The following SHTN1 variants were observed in gnomAD, a reference collection of about 807,000 sequenced individuals.
The protein encoded by SHTN1 is shootin-1.
A neutral mutation model predicts 83.1 loss-of-function variants in SHTN1; 42 were observed. The ratio of observed to expected loss-of-function variants is 0.51; its 90% CI spans 0.39 to 0.65. SHTN1 has a LOEUF of 0.65. Ranked by LOEUF, SHTN1 falls within the 30% of genes least tolerant of loss-of-function variation. The probability of loss-of-function intolerance (pLI) is 0.00; values close to 1 mark genes in which losing one functional copy is unlikely to be tolerated. For synonymous variants in SHTN1, 224 were observed against 247.7 expected, an observed-to-expected ratio of 0.90 and a Z score of 0.90; for missense variants, 622 against 737.8, an observed-to-expected ratio of 0.84 and a Z score of 1.82.
chr10:116,986,114 C>G (rs1851210157), intron 1 of SHTN1, among the ~76,000 whole-genome samples: 1 of 152,000 alleles, frequency 6.6e-6, no homozygotes, highest in South Asian at 2.1e-4. Flanking sequence ...TCAAATTAAC[C>G]AAGAAGAAAG....
intron 1 of SHTN1, among the ~76,000 whole-genome samples, chr10:117,054,181 C>T (rs879308469): frequency 6.6e-6 from 1 of 152,106 alleles, no homozygotes; most frequent in Non-Finnish European, 1.5e-5. Context: ...AGGTTGGACA[C>T]GTTTCATTTA....
intron 9 of SHTN1, among the ~76,000 whole-genome samples, chr10:116,933,164 TTTA>T (rs1849031379): frequency 6.6e-6 from 1 of 152,178 alleles, no homozygotes; most frequent in South Asian, 2.1e-4. Context: ...TAAAATTATT[TTTA>T]TTATTTATTT....
At chr10:116,951,315 T>C (rs1992358084) in intron 6 of SHTN1, among the ~76,000 whole-genome samples, 1 of 152,096 alleles carries the variant, frequency 6.6e-6, no homozygotes, top group African/African-American at 2.4e-5. Context: ...CTCAGCTATT[T>C]GGGAGGCTGA....
intron 1 of SHTN1, among the ~76,000 whole-genome samples, chr10:117,053,303 C>T (rs1480308518): frequency 6.6e-6 from 1 of 151,786 alleles, no homozygotes; most frequent in African/African-American, 2.4e-5. Context: ...CTTCAAAGGA[C>T]ACTATTAAGA....
At chr10:116,933,001 T>C (rs1430637932) in intron 9 of SHTN1, among the ~76,000 whole-genome samples, 1 of 152,156 alleles carries the variant, frequency 6.6e-6, no homozygotes, top group African/African-American at 2.4e-5. Context: ...ATTCTTCTTT[T>C]TCTCTTTTCT....
At chr10:117,066,257 A>G (rs1853000644) in intron 1 of SHTN1, among the ~76,000 whole-genome samples, 1 of 152,252 alleles carries the variant, frequency 6.6e-6, no homozygotes, top group South Asian at 2.1e-4. Context: ...GAACTGTATC[A>G]CCTCAATTTC....
At chr10:116,994,046 T>C (rs1244737612) in intron 1 of SHTN1, among the ~76,000 whole-genome samples, 1 of 152,150 alleles carries the variant, frequency 6.6e-6, no homozygotes, top group Admixed American at 6.5e-5. Context: ...TATTAGTCTA[T>C]GGAATGCTGG....
At chr10:117,053,437 TA>T (rs1039022606) in intron 1 of SHTN1, among the ~76,000 whole-genome samples, 1 of 152,026 alleles carries the variant, frequency 6.6e-6, no homozygotes, top group Admixed American at 6.6e-5. Context: ...CAACTCAATT[TA>T]AAAATGGGGA....
chr10:117,077,171 T>A (rs11197887), intron 1 of SHTN1, among the ~76,000 whole-genome samples: 27,287 of 152,004 alleles, frequency 0.18, 2,568 homozygotes, highest in East Asian at 0.32. Flanking sequence ...AAATCTTGAG[T>A]TTCATAAGCA....
intron 1 of SHTN1, among the ~76,000 whole-genome samples, chr10:117,109,660 G>A (rs567826721): frequency 1.1e-3 from 135 of 127,062 alleles, no homozygotes; most frequent in Non-Finnish European, 1.7e-3. Context: ...TGCCTCCCAG[G>A]TTCAAGCAAT....
intron 1 of SHTN1, among the ~76,000 whole-genome samples, chr10:117,049,112 T>G (rs1026769569): frequency 3.3e-5 from 5 of 152,166 alleles, no homozygotes; most frequent in Non-Finnish European, 7.4e-5. Context: ...TACTCCATTA[T>G]GGGCTCAGAT....
In SHTN1 at chr10:117,002,959, C is replaced by T. The variant is rs191640905; in HGVS notation, c.58+2063G>A. On this transcript the variant is annotated intron_variant, in intron 1 of 16. Coordinates refer to ENST00000355371, the MANE Select transcript of SHTN1 (RefSeq NM_001127211.3). ...CAATACAATGCAATAGGAGAAAGAGCCACAAATATAGAAATCCTTTTTGTC... is the reference window on the plus strand; with the variant it reads ...CAATACAATGCAATAGGAGAAAGAGTCACAAATATAGAAATCCTTTTTGTC... Among the ~76,000 whole-genome samples, 4 of 152,216 alleles carry T rather than the reference C, an allele frequency of 2.6e-5. No homozygotes were observed. The East Asian group carries it at 7.7e-4, about 29-fold the overall frequency.
At chr10:116,970,127 T>C (rs1423458807) in intron 2 of SHTN1, among the ~76,000 whole-genome samples, 1 of 152,166 alleles carries the variant, frequency 6.6e-6, no homozygotes, top group Admixed American at 6.5e-5. Flanking sequence ...CCTATCGGAC[T>C]GGCAAAAACT....
At chr10:117,062,450 T>C (rs1280081417) in intron 1 of SHTN1, among the ~76,000 whole-genome samples, 1 of 152,138 alleles carries the variant, frequency 6.6e-6, no homozygotes, top group East Asian at 1.9e-4. Flanking sequence ...AGGTTCTTAT[T>C]GAGGAGCTCC....
chr10:116,926,096 GAGCCTTATAAAAGAGTTC>G (rs1848734723), intron 11 of SHTN1, among the ~76,000 whole-genome samples: 1 of 151,838 alleles, frequency 6.6e-6, no homozygotes, highest in African/African-American at 2.4e-5. Flanking sequence ...TTTCTTTAAA[GAGCCTTATAAAAGAGTTC>G]ACACTTGAGA....
chr10:116,934,404 A>C (rs1294082648), intron 9 of SHTN1, among the ~76,000 whole-genome samples: 2 of 152,136 alleles, frequency 1.3e-5, no homozygotes, highest in African/African-American at 4.8e-5. Context: ...CGTTTTCCCA[A>C]CACCATTTAT....
At chr10:116,911,763 A>T (rs200983418) in intron 14 of SHTN1, 27 bp downstream of exon 14, 51 of 1,598,422 alleles carry the variant, frequency 3.2e-5, no homozygotes, top group Non-Finnish European at 4.1e-5. Context: ...CCCATTAGCT[A>T]AACAATAAAC....
intron 1 of SHTN1, among the ~76,000 whole-genome samples, chr10:117,072,384 A>G (rs1000203029): frequency 1.3e-5 from 2 of 152,204 alleles, no homozygotes; most frequent in Admixed American, 1.3e-4. Flanking sequence ...CGTGAATTTT[A>G]GCTCCAGAAT....
In SHTN1 at chr10:117,018,810, A is replaced by G. The variant is rs1379571826; in HGVS notation, c.-123+29635T>C. On this transcript the variant is annotated intron_variant, in intron 2 of 17. Coordinates refer to the SHTN1 transcript ENST00000392901. ...CTGGTCTTGAATGCCTGACCTTGTG[A>G]TCCGCCCACCTCAGCCTCCCAAAGT... Among the ~76,000 whole-genome samples the G allele has an allele frequency of 2.0e-5, 3 of 152,038 alleles. No homozygotes were observed. The South Asian group carries it at 6.2e-4, about 32-fold the overall frequency.
Sources: gnomAD v4.1 joint callset for allele counts (sites outside exome capture counted in the v4.1 genomes callset) on GRCh38, gnomAD v4.1.1 for gene constraint, MANE v1.5 for transcripts, NCBI Gene and HGNC (gene_info 2026-07-23, HGNC 2026-07-21) for gene names.